Variants in PRMT3 observed in about 807,000 individuals in gnomAD.
PRMT3 encodes protein arginine methyltransferase 3.
PRMT3 carries 62 observed loss-of-function variants against 71.9 expected under a neutral mutation model. The ratio of observed to expected loss-of-function variants is 0.86; its 90% CI spans 0.70 to 1.07. The LOEUF (loss-of-function observed/expected upper bound fraction) is 1.07. PRMT3 is among the 50% of genes least tolerant of loss of function. PRMT3 has a pLI of 0.00. For missense variants in PRMT3, 663 were observed against 643.0 expected (o/e 1.03, Z -0.34); for synonymous variants, 213 against 220.4 (o/e 0.97, Z 0.30).
intron 9 of PRMT3, among the ~76,000 whole-genome samples, chr11:20,423,911 G>A (rs1213576684): frequency 3.5e-5 from 5 of 142,616 alleles, no homozygotes; most frequent in African/African-American, 8.5e-5. Context: ...AAGGCCAGGC[G>A]CGGTGGCTGA....
intron 15 of PRMT3, among the ~76,000 whole-genome samples, chr11:20,504,707 T>TGTGTGAGAGAGAGA (rs1332372470): frequency 2.9e-4 from 39 of 133,634 alleles, no homozygotes; most frequent in African/African-American, 6.9e-4. Flanking sequence ...TGTGTGTGTG[T>TGTGTGAGAGAGAGA]GAGAGAGAGA....
intron 9 of PRMT3, among the ~76,000 whole-genome samples, chr11:20,411,650 C>T (rs1372940472): frequency 6.6e-6 from 1 of 152,040 alleles, no homozygotes; most frequent in Non-Finnish European, 1.5e-5. Context: ...AAGATCACTA[C>T]TAACCATGGA....
intron 13 of PRMT3, among the ~76,000 whole-genome samples, chr11:20,474,579 T>G (rs1850733379): frequency 6.6e-6 from 1 of 152,154 alleles, no homozygotes; most frequent in South Asian, 2.1e-4. Context: ...GCCCTGGTGG[T>G]GTGGCTTACA....
chr11:20,487,845 A>T (rs962824051), intron 13 of PRMT3, among the ~76,000 whole-genome samples: 54 of 152,350 alleles, frequency 3.5e-4, no homozygotes, highest in African/African-American at 1.3e-3. Flanking sequence ...CACTTTAATA[A>T]GCAATTTTGA....
At chr11:20,437,620 C>T (rs574957460) in intron 10 of PRMT3, among the ~76,000 whole-genome samples, 59 of 151,578 alleles carry the variant, frequency 3.9e-4, no homozygotes, top group South Asian at 1.0e-3. Flanking sequence ...GACGGAGTCT[C>T]GCTCTGTTGC....
intron 13 of PRMT3, among the ~76,000 whole-genome samples, chr11:20,470,942 G>T (rs1361588533): frequency 1.3e-5 from 2 of 152,152 alleles, no homozygotes; most frequent in African/African-American, 4.8e-5. Context: ...ACTGGTATAA[G>T]ATGGTATTTC....
intron 12 of PRMT3, among the ~76,000 whole-genome samples, chr11:20,463,666 C>G (rs948565338): frequency 1.3e-5 from 2 of 151,682 alleles, no homozygotes; most frequent in Non-Finnish European, 2.9e-5. Flanking sequence ...AATGTTTTCT[C>G]AAATTGTTTT....
At chr11:20,475,781 A>G (rs1850768131) in intron 13 of PRMT3, among the ~76,000 whole-genome samples, 1 of 149,608 alleles carries the variant, frequency 6.7e-6, no homozygotes, top group South Asian at 2.1e-4. Context: ...CAGCCTCCCC[A>G]GTTGCTGGGA....
chr11:20,495,945 G>A (rs1214407319), intron 15 of PRMT3, among the ~76,000 whole-genome samples: 2 of 152,182 alleles, frequency 1.3e-5, no homozygotes, highest in Admixed American at 1.3e-4. Context: ...TCAAGTGCTG[G>A]CAATAATGTA....
chr11:20,442,964 A>G (rs927012720), intron 10 of PRMT3, among the ~76,000 whole-genome samples: 2 of 152,214 alleles, frequency 1.3e-5, no homozygotes, highest in African/African-American at 4.8e-5. Context: ...TGGGAGGCCA[A>G]GGCAGGAAGA....
intron 13 of PRMT3, among the ~76,000 whole-genome samples, chr11:20,473,988 T>C (rs1312521846): frequency 6.6e-6 from 1 of 152,152 alleles, no homozygotes; most frequent in Non-Finnish European, 1.5e-5. Flanking sequence ...GTTTTTCCCA[T>C]ACCAAGTGTC....
intron 7 of PRMT3, among the ~76,000 whole-genome samples, chr11:20,399,773 A>G (rs1041001235): frequency 3.9e-5 from 6 of 152,188 alleles, no homozygotes; most frequent in African/African-American, 1.4e-4. Context: ...GGACACTTGT[A>G]TGTCAGTAAC....
chr11:20,486,884 T>C (rs1442983265), intron 13 of PRMT3, among the ~76,000 whole-genome samples: 1 of 151,782 alleles, frequency 6.6e-6, no homozygotes, highest in African/African-American at 2.4e-5. Flanking sequence ...CGGTGAAACC[T>C]CGTCTCTACT....
intron 11 of PRMT3, among the ~76,000 whole-genome samples, chr11:20,460,416 G>A (rs1850357138): frequency 6.6e-6 from 1 of 152,064 alleles, no homozygotes; most frequent in Non-Finnish European, 1.5e-5. Context: ...CTTGTTATTA[G>A]TGGAGAGTTT....
intron 15 of PRMT3, among the ~76,000 whole-genome samples, chr11:20,494,584 C>A (rs144759810): frequency 2.8e-4 from 42 of 152,288 alleles, no homozygotes; most frequent in Admixed American, 1.2e-3. Flanking sequence ...CTCGGCCCCC[C>A]CAAAGTGCTG....
At chr11:20,433,618 T>C (rs1399715778) in intron 10 of PRMT3, among the ~76,000 whole-genome samples, 1 of 152,056 alleles carries the variant, frequency 6.6e-6, no homozygotes, top group African/African-American at 2.4e-5. Context: ...AGTTCTGTTT[T>C]GTTTTGTTTT....
At chr11:20,486,218 G>A (rs1045966268) in intron 13 of PRMT3, among the ~76,000 whole-genome samples, 1 of 152,136 alleles carries the variant, frequency 6.6e-6, no homozygotes, top group African/African-American at 2.4e-5. Flanking sequence ...GAAATGAAAT[G>A]TTTTTAAAAT....
intron 13 of PRMT3, among the ~76,000 whole-genome samples, chr11:20,469,215 G>A (rs577981030): frequency 6.6e-6 from 1 of 152,180 alleles, no homozygotes; most frequent in Non-Finnish European, 1.5e-5. Context: ...TAAAGTCAGT[G>A]ATTTTTGTGG....
chr11:20,407,177 C>T (rs1849089493), intron 8 of PRMT3: 1 of 152,094 alleles, frequency 6.6e-6, no homozygotes. Context: ...CACCAAAGCA[C>T]TTTCAGCAAA....
Sources: allele counts gnomAD v4.1 joint callset (sites outside exome capture counted in the v4.1 genomes callset), GRCh38; gene constraint gnomAD v4.1.1; transcripts MANE v1.5; gene names NCBI Gene and HGNC (gene_info 2026-07-23, HGNC 2026-07-21).